Variants in CCDC158 observed in about 807,000 individuals in gnomAD.
CCDC158 encodes coiled-coil domain containing 158.
Under a neutral mutation model 138.6 loss-of-function variants are expected in CCDC158, and 116 were observed. The ratio of observed to expected loss-of-function variants is 0.84; its 90% CI spans 0.72 to 0.98. The LOEUF (loss-of-function observed/expected upper bound fraction) is 0.98. Among genes scored for constraint, CCDC158 ranks in the 50% least tolerant of loss-of-function variants. CCDC158 has a pLI of 0.00. For missense variants in CCDC158, 1,265 were observed against 1,306.1 expected, an observed-to-expected ratio of 0.97 and a Z score of 0.48; for synonymous variants, 436 against 442.4, an observed-to-expected ratio of 0.99 and a Z score of 0.18.
intron 24 of CCDC158, among the ~76,000 whole-genome samples, chr4:76,315,795 C>T (rs1719326422): frequency 1.3e-5 from 2 of 152,282 alleles, no homozygotes; most frequent in Admixed American, 6.5e-5. Context: ...CATCACAGCA[C>T]TCTTTGCAGA....
rs1235896998 is a variant in CCDC158 at position 76,332,554 on chromosome 4, A to C, written c.2823-63T>G. 3.1e-6 allele frequency: 4 copies of C among 1,272,876 alleles called. No individual in the cohort carries two copies. In the East Asian group the frequency reaches 9.9e-5, roughly 31 times the overall value. 78.8% of individuals were successfully genotyped at this position (1,272,876 alleles called of 1,614,324 possible). A position where few individuals can be genotyped will look rare whatever the true frequency, so the allele number is the denominator to read the frequency against. ...GCACAATTTCATCCATGTCTTTTTT[A>C]GACTAATCAATTGCTTACATATATT... On this transcript the variant is annotated intron_variant, in intron 19 of 24. Coordinates refer to ENST00000682701, the MANE Select transcript of CCDC158 (RefSeq NM_001394954.1).
chr4:76,385,678 G>A (rs1229832728), intron 4 of CCDC158, among the ~76,000 whole-genome samples: 1 of 151,774 alleles, frequency 6.6e-6, no homozygotes, highest in Non-Finnish European at 1.5e-5. Flanking sequence ...AGACAGAACT[G>A]AAAAAACAGA....
At chr4:76,354,686 C>A (rs1442442237) in intron 15 of CCDC158, among the ~76,000 whole-genome samples, 1 of 152,136 alleles carries the variant, frequency 6.6e-6, no homozygotes, top group Non-Finnish European at 1.5e-5. Context: ...AGCATACATG[C>A]ACACTCCTCA....
In CCDC158 at chr4:76,387,926, T is replaced by C. The variant is rs769125962; in HGVS notation, c.289-3261A>G. 2.4e-4 allele frequency among the ~76,000 whole-genome samples: 37 copies of C among 151,130 alleles called. 1 individual carries two copies. The highest frequency in any genetic ancestry group is 3.9e-4 in the Admixed American group (6 of 15,214). On this transcript the variant is annotated intron_variant, in intron 4 of 24. Coordinates refer to ENST00000682701, the MANE Select transcript of CCDC158 (RefSeq NM_001394954.1). ...TACTTAGGGGGCTGAGGCAGGAGAA[T>C]CATTTGAACCCGGGAGGGAGAGGTT... is the stretch of plus-strand genomic sequence containing the variant.
chr4:76,333,963 A>G, intron 19 of CCDC158, 47 bp downstream of exon 19: 2 of 1,405,256 alleles, frequency 1.4e-6, no homozygotes, highest in Non-Finnish European at 1.9e-6. Flanking sequence ...TCAATGGCAA[A>G]CCATTCAAGA....
At position 76,367,499 on chromosome 4, in the gene CCDC158, T is replaced by C. The variant is rs1306997044; in HGVS notation, c.1625A>G (p.His542Arg). 6.2e-7 allele frequency: 1 copy of C among 1,614,234 alleles called. No individual in the cohort carries two copies. Among genetic ancestry groups the C allele is most frequent in the South Asian group, 1.1e-5 (1 of 91,082 alleles). ...ELQHLKNEGD[H>R]LRNVQTECEA... ...ACATTCTGTCTGCACATTTCTGAGA[T>C]GATCCCCTTCATTTTTCAAGTGTTG... Residue 542 changes from histidine to arginine, a missense_variant, in exon 12 of 25, where the codon CAT (histidine) becomes CGT (arginine). By Grantham distance (29) the His-to-Arg change is conservative. Transcript: ENST00000682701.
chr4:76,313,462 A>G (rs1719080091), intron 24 of CCDC158, among the ~76,000 whole-genome samples: 1 of 151,832 alleles, frequency 6.6e-6, no homozygotes, highest in Non-Finnish European at 1.5e-5. Context: ...TTATTTACTT[A>G]TTTATTTTGT....
At chr4:76,315,256 C>G (rs1392068997) in intron 24 of CCDC158, among the ~76,000 whole-genome samples, 2 of 152,166 alleles carry the variant, frequency 1.3e-5, no homozygotes, top group Non-Finnish European at 2.9e-5. Context: ...GTGGCCACGG[C>G]AAGCCCTACA....
chr4:76,367,255 G>T (rs1479045429), intron 12 of CCDC158, 39 bp downstream of exon 12: 38 of 1,579,732 alleles, frequency 2.4e-5, no homozygotes, highest in Non-Finnish European at 3.2e-5. Context: ...GCTAATAAAT[G>T]ATATTTCAGA....
chr4:76,411,606 C>T (rs1042508424), intron 2 of CCDC158, among the ~76,000 whole-genome samples: 1 of 152,148 alleles, frequency 6.6e-6, no homozygotes, highest in African/African-American at 2.4e-5. Flanking sequence ...TACTTACGAT[C>T]GCATTTCACC....
At chr4:76,361,698 TA>T (rs1724163635) in intron 13 of CCDC158, among the ~76,000 whole-genome samples, 1 of 152,360 alleles carries the variant, frequency 6.6e-6, no homozygotes, top group East Asian at 1.9e-4. Context: ...TTCCTGTCAA[TA>T]AATTCACATG....
At chr4:76,401,907 T>C (rs1240729316) in intron 3 of CCDC158, among the ~76,000 whole-genome samples, 5 of 151,830 alleles carry the variant, frequency 3.3e-5, no homozygotes, top group Non-Finnish European at 5.9e-5. Flanking sequence ...GCAGGGGAGA[T>C]GGGTGTGGTA....
intron 24 of CCDC158, among the ~76,000 whole-genome samples, chr4:76,316,451 G>C (rs895732291): frequency 6.6e-6 from 1 of 152,128 alleles, no homozygotes; most frequent in Non-Finnish European, 1.5e-5. Context: ...CCTCCAAGAA[G>C]TCTGGGATTA....
chr4:76,318,719 A>G (rs1004933509), intron 24 of CCDC158, among the ~76,000 whole-genome samples: 9 of 152,220 alleles, frequency 5.9e-5, no homozygotes, highest in African/African-American at 2.2e-4. Context: ...AAAGAAAACT[A>G]CAGAGCAATA....
chr4:76,379,171 T>C (rs1031142125), intron 9 of CCDC158, 119 bp downstream of exon 9: 3 of 493,550 alleles, frequency 6.1e-6, no homozygotes, highest in African/African-American at 3.9e-5. Flanking sequence ...CTCCAGCTTA[T>C]AAACTGCTTT....
intron 12 of CCDC158, among the ~76,000 whole-genome samples, chr4:76,365,203 G>A (rs756461465): frequency 3.3e-5 from 5 of 152,208 alleles, no homozygotes; most frequent in East Asian, 1.9e-4. Context: ...CTTCTCTGCT[G>A]TCAATGTGTG....
intron 18 of CCDC158, among the ~76,000 whole-genome samples, chr4:76,336,555 A>G (rs1182925953): frequency 6.6e-6 from 1 of 152,186 alleles, no homozygotes; most frequent in Non-Finnish European, 1.5e-5. Flanking sequence ...ATCACCAAAG[A>G]TCAAGGAAGG....
intron 18 of CCDC158, among the ~76,000 whole-genome samples, chr4:76,337,183 T>C (rs989119975): frequency 6.6e-6 from 1 of 151,778 alleles, no homozygotes; most frequent in African/African-American, 2.4e-5. Context: ...AGAGATGGGG[T>C]TTTGCCATGT....
rs533912668 is a variant in CCDC158 at position 76,366,165 on chromosome 4, A to C, written c.1830+1129T>G. ...TCTCCTCTGATATGCTCTGCCCTGC[A>C]TCACACCTGTTCTAAGGGTTTCATT... On this transcript the variant is annotated intron_variant, in intron 12 of 24. Coordinates refer to ENST00000682701, the MANE Select transcript of CCDC158 (RefSeq NM_001394954.1). Among the ~76,000 whole-genome samples the C allele has an allele frequency of 1.2e-4, 18 of 152,346 alleles. No individual in the cohort carries two copies. The East Asian group carries it at 3.3e-3, about 28-fold the overall frequency.
Sources: allele counts gnomAD v4.1 joint callset (sites outside exome capture counted in the v4.1 genomes callset), GRCh38; gene constraint gnomAD v4.1.1; transcripts MANE v1.5; gene names NCBI Gene and HGNC (gene_info 2026-07-23, HGNC 2026-07-21).